The following GLIS2 variants were observed in gnomAD, a reference collection of about 807,000 sequenced individuals.
The protein encoded by GLIS2 is zinc finger protein GLIS2.
In GLIS2, 14 loss-of-function variants were observed where a neutral mutation model predicts 35.6. The ratio of observed to expected loss-of-function variants is 0.39; its 90% CI spans 0.26 to 0.61. The LOEUF (loss-of-function observed/expected upper bound fraction) is 0.61. Among genes scored for constraint, GLIS2 ranks in the 20% least tolerant of loss-of-function variants. The pLI is 0.48. For missense variants in GLIS2, 675 were observed against 713.4 expected (o/e 0.95, Z 0.61); for synonymous variants, 368 against 325.1 (o/e 1.13, Z -1.42).
upstream of GLIS2, chr16:4,315,277 G>A (rs1449539982): frequency 6.6e-6 from 1 of 152,244 alleles, no homozygotes; most frequent in Non-Finnish European, 1.5e-5. Context: ...CCAGCGTGAG[G>A]GGTTGCGCCG....
At position 4,335,258 on chromosome 16, in the gene GLIS2, C is replaced by T. The variant is rs200062704; in HGVS notation, c.657-17C>T. On this transcript the variant is annotated splice_polypyrimidine_tract_variant and intron_variant, in intron 5 of 6. Coordinates refer to ENST00000433375, the MANE Select transcript of GLIS2 (RefSeq NM_032575.3). The surrounding 1 kb of genome is among the most constrained non-coding windows in gnomAD (Gnocchi z 4.6). Reference sequence around the variant, plus strand: ...CTCCAGTGAGCTGAGCCGTGCCCCCCGCCCTCCCTGGAGCAGGTACAAGAT... The same window carrying T: ...CTCCAGTGAGCTGAGCCGTGCCCCCTGCCCTCCCTGGAGCAGGTACAAGAT... The T allele has an allele frequency of 2.1e-4, 345 of 1,613,690 alleles. 5 individuals are homozygous for T. In the South Asian group the frequency reaches 3.5e-3, roughly 16 times the overall value.
At chr16:4,334,664 A>C in intron 3 of GLIS2, 137 bp from the exon 4 acceptor site, 3 of 974,836 alleles carry the variant, frequency 3.1e-6, no homozygotes, top group Non-Finnish European at 4.7e-6. Context: ...GTTCCAAATA[A>C]GGCCACATGC....
intron 1 of GLIS2, chr16:4,328,987 G>T (rs2053468585): frequency 6.6e-6 from 1 of 152,118 alleles, no homozygotes; most frequent in African/African-American, 2.4e-5. Flanking sequence ...GGGGGTGGGG[G>T]TGAGGACAGA....
rs1161017853 is a variant in GLIS2 at position 4,336,989 on chromosome 16, A to C, written c.1040A>C (p.Tyr347Ser). 6.2e-7 allele frequency: 1 copy of C among 1,608,160 alleles called. No homozygotes were observed. Among genetic ancestry groups the C allele is most frequent in the Middle Eastern group, 1.7e-4 (1 of 6,054 alleles). Residue 347 changes from tyrosine (Y) to serine (S), a missense_variant, in exon 7 of 7, where the codon TAT becomes TCT. By Grantham distance (144) the Tyr-to-Ser change is moderately radical (BLOSUM62 -2). Coordinates refer to ENST00000433375, the MANE Select transcript of GLIS2 (RefSeq NM_032575.3). ...PPLPAPDGGP[Y>S]VSGAQIIIPN... ...CTGCCCGCCCCCGACGGCGGCCCCT[A>C]TGTCAGTGGGGCCCAGATCATCATC...
At chr16:4,333,277 C>T (rs988269990) in intron 2 of GLIS2, 70 bp from the exon 3 acceptor site, 21 of 1,567,822 alleles carry the variant, frequency 1.3e-5, no homozygotes, top group South Asian at 3.4e-5. Context: ...AGTGGGGGTT[C>T]GGAGGCAGGA....
At chr16:4,334,250 T>TA (rs2053526539) in intron 3 of GLIS2, among the ~76,000 whole-genome samples, 1 of 149,198 alleles carries the variant, frequency 6.7e-6, no homozygotes, top group African/African-American at 2.5e-5. Context: ...TTTTTTTTTT[T>TA]TTTTTTAAAC....
chr16:4,331,790 T>G, intron 1 of GLIS2: 1 of 176,644 alleles, frequency 5.7e-6, no homozygotes, highest in Non-Finnish European at 1.2e-5. Context: ...AAAAAGAAAA[T>G]TTTTTTTTTT....
Position 4,332,259 on chromosome 16 carries a change from C to A in GLIS2, c.-22C>A. On this transcript the variant is annotated 5_prime_UTR_variant, in exon 2 of 7. Transcript: ENST00000433375. This position sits in a 1 kb window ranked among gnomAD's most constrained non-coding sequence, Gnocchi z 5.4. ...CTGGGAGCCCACTGCCTGCTGCCACCTCCAACTCCGGCCCCCTCACCATGC... is the reference window on the plus strand; with the variant it reads ...CTGGGAGCCCACTGCCTGCTGCCACATCCAACTCCGGCCCCCTCACCATGC... 1 of 1,609,888 alleles carries A rather than the reference C, an allele frequency of 6.2e-7. No individual in the cohort carries two copies. Among genetic ancestry groups the A allele is most frequent in the Non-Finnish European group, 8.5e-7 (1 of 1,178,870 alleles).
chr16:4,325,589 C>A (rs1410956172), intron 1 of GLIS2, among the ~76,000 whole-genome samples: 1 of 152,122 alleles, frequency 6.6e-6, no homozygotes, highest in East Asian at 1.9e-4. Context: ...GTTTCTCTGA[C>A]TGGTTCAGGA....
Position 4,332,326 on chromosome 16 carries a change from A to G in GLIS2, c.46A>G (p.Lys16Glu). ...EPLDLKLSITKLRAAREKRER... is the reference protein window; with the variant it reads ...EPLDLKLSITELRAAREKRER... Reference sequence around the variant, plus strand: ...GCTCGACCTGAAGCTGAGTATCACCAAGCTCCGGGCGGCAAGAGAGAAGCG... The same window carrying G: ...GCTCGACCTGAAGCTGAGTATCACCGAGCTCCGGGCGGCAAGAGAGAAGCG... The change falls in exon 2 of 7, where the codon AAG (lysine) becomes GAG (glutamate). Residue 16 changes from lysine (K) to glutamate (E), a missense_variant. Physicochemically the swap from Lys to Glu is moderately conservative, Grantham distance 56. Coordinates refer to ENST00000433375, the MANE Select transcript of GLIS2 (RefSeq NM_032575.3). This position sits in a 1 kb window ranked among gnomAD's most constrained non-coding sequence, Gnocchi z 5.4. 1 of 1,613,186 alleles carries G rather than the reference A, an allele frequency of 6.2e-7. No homozygotes were observed. Among genetic ancestry groups the G allele is most frequent in the Non-Finnish European group, 8.5e-7 (1 of 1,179,990 alleles).
intron 1 of GLIS2, among the ~76,000 whole-genome samples, 52 bp downstream of exon 1, chr16:4,316,306 G>T (rs1231855130): frequency 2.8e-5 from 4 of 144,034 alleles, no homozygotes; most frequent in Non-Finnish European, 4.7e-5. Context: ...GGGCGGGGGG[G>T]GGGGGGCCCG....
At chr16:4,328,775 C>G (rs2053465514) in intron 1 of GLIS2, among the ~76,000 whole-genome samples, 1 of 152,186 alleles carries the variant, frequency 6.6e-6, no homozygotes, top group Non-Finnish European at 1.5e-5. Context: ...ACAGGCTCCT[C>G]CTGGGGAAGT....
Position 4,333,334 on chromosome 16 carries a change from G to A in GLIS2, c.173-13G>A. ...TACACTCCAGCACACCCTGAACTGT[G>A]CCTCTCCCTCAGGCTTCCTGCTGAA... On this transcript the variant is annotated splice_polypyrimidine_tract_variant and intron_variant, in intron 2 of 6. Transcript: ENST00000433375. 6.2e-7 allele frequency: 1 copy of A among 1,612,664 alleles called. No homozygotes were observed. The highest frequency in any genetic ancestry group is 1.1e-5 in the South Asian group (1 of 91,072).
chr16:4,323,072 C>T (rs148252645), intron 1 of GLIS2, among the ~76,000 whole-genome samples: 54 of 152,344 alleles, frequency 3.5e-4, no homozygotes, highest in Non-Finnish European at 6.0e-4. Flanking sequence ...TCTGTACATC[C>T]GGGGGTGCTG....
At position 4,332,320 on chromosome 16, in the gene GLIS2, A is replaced by G. The variant is rs779664938; in HGVS notation, c.40A>G (p.Ile14Val). The G allele has an allele frequency of 1.2e-6, 2 of 1,613,192 alleles. No individual in the cohort carries two copies. Among genetic ancestry groups the G allele is most frequent in the South Asian group, 2.2e-5 (2 of 91,064 alleles). The stretch of plus-strand genomic sequence containing the variant: ...CGAGCCGCTCGACCTGAAGCTGAGT[A>G]TCACCAAGCTCCGGGCGGCAAGAGA... ...LDEPLDLKLSITKLRAAREKR... is the reference protein window; with the variant it reads ...LDEPLDLKLSVTKLRAAREKR... The change falls in exon 2 of 7, where the codon ATC becomes GTC. Residue 14 changes from isoleucine to valine, a missense_variant. By Grantham distance (29) the Ile-to-Val change is conservative. Transcript: ENST00000433375. This position sits in a 1 kb window ranked among gnomAD's most constrained non-coding sequence, Gnocchi z 5.4.
rs1228187870 is a variant in GLIS2 at position 4,339,446 on chromosome 16, CCTTT to C, written c.*1925_*1928del. ...TCAGTATTTTAACAGGTTCTAAGTG[CCTTT>C]CTATCGTAGCTTATGTTTTCCTCCT... On this transcript the variant is annotated 3_prime_UTR_variant, in exon 7 of 7. Coordinates refer to ENST00000433375, the MANE Select transcript of GLIS2 (RefSeq NM_032575.3). 6.5e-6 allele frequency: 1 copy of C among 152,974 alleles called. No homozygotes were observed. The highest frequency in any genetic ancestry group is 1.5e-5 in the Non-Finnish European group (1 of 68,280). The allele number at this position is 152,974 out of a possible 1,614,324, so 9.5% of individuals were successfully genotyped here.
At chr16:4,322,905 G>T (rs999976930) in intron 1 of GLIS2, among the ~76,000 whole-genome samples, 1 of 152,240 alleles carries the variant, frequency 6.6e-6, no homozygotes, top group Non-Finnish European at 1.5e-5. Context: ...TCTGCCTGCA[G>T]CCAGGCGTGG....
At chr16:4,315,941 C>T (rs2053305206), upstream of GLIS2, among the ~76,000 whole-genome samples, 1 of 149,062 alleles carries the variant, frequency 6.7e-6, no homozygotes, top group South Asian at 2.1e-4. Context: ...GAGGCCGCCC[C>T]CCGCGCCCCT....
In GLIS2 at chr16:4,337,578, C is replaced by A. The variant is rs368483996; in HGVS notation, c.*54C>A. The A allele has an allele frequency of 3.3e-6, 5 of 1,535,532 alleles. No individual in the cohort carries two copies. In the Admixed American group the frequency reaches 9.8e-5, roughly 30 times the overall value. ...CCCCGGCAGCTCCCGGCACTGCCCCCGACGAACGGAAACTCTTCTGTGAAA... is the reference window on the plus strand; with the variant it reads ...CCCCGGCAGCTCCCGGCACTGCCCCAGACGAACGGAAACTCTTCTGTGAAA... On this transcript the variant is annotated 3_prime_UTR_variant, in exon 7 of 7. Coordinates refer to ENST00000433375, the MANE Select transcript of GLIS2 (RefSeq NM_032575.3).
Sources: gnomAD v4.1 joint callset for allele counts (sites outside exome capture counted in the v4.1 genomes callset) on GRCh38, gnomAD v4.1.1 for gene constraint, Gnocchi (gnomAD v3.1) non-coding constraint, MANE v1.5 for transcripts, NCBI Gene and HGNC (gene_info 2026-07-23, HGNC 2026-07-21) for gene names.